ANAPC16: variants seen among roughly 807,000 people sequenced by gnomAD.
ANAPC16 encodes anaphase-promoting complex subunit 16.
Under a neutral mutation model 13.1 loss-of-function variants are expected in ANAPC16, and 6 were observed. The ratio of observed to expected loss-of-function variants is 0.46; its 90% CI spans 0.25 to 0.90. ANAPC16 has a LOEUF of 0.90. Among genes scored for constraint, ANAPC16 ranks in the 40% least tolerant of loss-of-function variants. The probability of loss-of-function intolerance (pLI) is 0.18; values close to 1 mark genes in which losing one functional copy is unlikely to be tolerated. For missense variants in ANAPC16, 113 were observed against 131.1 expected, an observed-to-expected ratio of 0.86 and a Z score of 0.67; for synonymous variants, 55 against 51.3, an observed-to-expected ratio of 1.07 and a Z score of -0.31.
At chr10:72,223,418 C>G (rs548786200) in intron 1 of ANAPC16, 1 of 152,232 alleles carries the variant, frequency 6.6e-6, no homozygotes, top group African/African-American at 2.4e-5. Context: ...ACTAGTTCCC[C>G]TTCCCTGGGA....
chr10:72,216,765 G>T, intron 1 of ANAPC16: 1 of 455,138 alleles, frequency 2.2e-6, no homozygotes, highest in Non-Finnish European at 4.4e-6. Context: ...AGCAATCTGT[G>T]TCCACAAAGC....
intron 2 of ANAPC16, among the ~76,000 whole-genome samples, chr10:72,228,427 G>A (rs1246109815): frequency 6.6e-6 from 1 of 152,136 alleles, no homozygotes; most frequent in Non-Finnish European, 1.5e-5. Flanking sequence ...CCTACTGTGA[G>A]GTAATATTCT....
chr10:72,227,629 T>C (rs993152555), intron 2 of ANAPC16, among the ~76,000 whole-genome samples: 13 of 152,120 alleles, frequency 8.5e-5, no homozygotes, highest in African/African-American at 3.1e-4. Flanking sequence ...CTCTGAAATG[T>C]AAGGATGTTG....
intron 2 of ANAPC16, among the ~76,000 whole-genome samples, chr10:72,228,078 C>T (rs1860182110): frequency 6.6e-6 from 1 of 151,302 alleles, no homozygotes; most frequent in Non-Finnish European, 1.5e-5. Context: ...GGTTGCCTGT[C>T]AAGAGTAAGG....
At chr10:72,224,125 T>C (rs1395266754) in intron 2 of ANAPC16, 69 bp downstream of exon 2, 7 of 1,385,834 alleles carry the variant, frequency 5.1e-6, no homozygotes, top group Non-Finnish European at 6.7e-6. Context: ...AAAGAAGCTA[T>C]TAAGTGGATT....
intron 3 of ANAPC16, among the ~76,000 whole-genome samples, chr10:72,232,470 C>T (rs1860346851): frequency 6.7e-6 from 1 of 149,096 alleles, no homozygotes; most frequent in South Asian, 2.1e-4. Flanking sequence ...CTTGAACCCA[C>T]GAGGCAGAGG....
chr10:72,220,271 G>A (rs747623125), intron 1 of ANAPC16: 1 of 149,048 alleles, frequency 6.7e-6, no homozygotes, highest in Non-Finnish European at 1.5e-5. Flanking sequence ...AGAGGTTGCT[G>A]TGAGCCGAGA....
intron 1 of ANAPC16, chr10:72,216,732 T>C: frequency 2.3e-6 from 1 of 437,380 alleles, no homozygotes; most frequent in Non-Finnish European, 4.6e-6. Context: ...GAAGTAAATG[T>C]TTAAGCATCT....
intron 1 of ANAPC16, among the ~76,000 whole-genome samples, chr10:72,216,645 A>C (rs1859403176): frequency 6.6e-6 from 1 of 152,140 alleles, no homozygotes; most frequent in Admixed American, 6.5e-5. Flanking sequence ...TTTTAAGAAA[A>C]TAGGCATATA....
chr10:72,232,078 C>T (rs1383546271), intron 3 of ANAPC16, among the ~76,000 whole-genome samples: 2 of 147,870 alleles, frequency 1.4e-5, no homozygotes, highest in African/African-American at 5.1e-5. Flanking sequence ...TCCAGCTACT[C>T]GGGAGGCTGA....
intron 1 of ANAPC16, among the ~76,000 whole-genome samples, chr10:72,219,301 G>C (rs1004627068): frequency 6.6e-6 from 1 of 152,212 alleles, no homozygotes; most frequent in African/African-American, 2.4e-5. Flanking sequence ...TCAAAAACTT[G>C]TCAGGCTGTA....
intron 3 of ANAPC16, among the ~76,000 whole-genome samples, chr10:72,232,229 G>T (rs1860336275): frequency 6.9e-6 from 1 of 145,976 alleles, no homozygotes; most frequent in African/African-American, 2.6e-5. Flanking sequence ...CTTCTGACCA[G>T]CATAGAATAA....
At chr10:72,219,549 A>T (rs551606571) in intron 1 of ANAPC16, among the ~76,000 whole-genome samples, 52 of 152,232 alleles carry the variant, frequency 3.4e-4, no homozygotes, top group Non-Finnish European at 5.9e-4. Context: ...CCGCCTGAGC[A>T]ACATAGTGAG....
chr10:72,228,455 CCA>C (rs1389438662), intron 2 of ANAPC16, among the ~76,000 whole-genome samples: 1 of 152,122 alleles, frequency 6.6e-6, no homozygotes, highest in Non-Finnish European at 1.5e-5. Context: ...GTATTTGTTA[CCA>C]TCCTTATTTA....
intron 1 of ANAPC16, chr10:72,216,748 C>G (rs1859419035): frequency 2.2e-6 from 1 of 449,596 alleles, no homozygotes; most frequent in African/African-American, 2.0e-5. Flanking sequence ...CATCTTAGCT[C>G]GGACACAGCA....
chr10:72,217,800 C>T (rs2133635498), intron 1 of ANAPC16, among the ~76,000 whole-genome samples: 1 of 152,082 alleles, frequency 6.6e-6, no homozygotes, highest in South Asian at 2.1e-4. Context: ...GGTTGAGTAT[C>T]CTTAATCCAG....
chr10:72,232,705 G>A lies in ANAPC16; in HGVS notation c.218-296G>A, dbSNP rs189848108. ...TGCAACCTCTGCCTCCAGGGTTCAAGCGATTCTCCTGCCTCAGCCTCCCGA... is the reference window on the plus strand; with the variant it reads ...TGCAACCTCTGCCTCCAGGGTTCAAACGATTCTCCTGCCTCAGCCTCCCGA... On this transcript the variant is annotated intron_variant, in intron 3 of 3. Transcript: ENST00000299381. Among the ~76,000 whole-genome samples, 284 of 151,026 alleles carry A rather than the reference G, an allele frequency of 1.9e-3. 1 individual carries two copies. Among genetic ancestry groups the A allele is most frequent in the African/African-American group, 6.7e-3 (278 of 41,256 alleles).
intron 2 of ANAPC16, among the ~76,000 whole-genome samples, chr10:72,229,137 C>CT (rs1220234197): frequency 6.6e-6 from 1 of 151,286 alleles, no homozygotes; most frequent in Non-Finnish European, 1.5e-5. Flanking sequence ...TTTTTTGAGA[C>CT]TGAGTTTGAA....
At chr10:72,231,599 C>T (rs1402970103) in intron 3 of ANAPC16, among the ~76,000 whole-genome samples, 1 of 152,110 alleles carries the variant, frequency 6.6e-6, no homozygotes, top group Non-Finnish European at 1.5e-5. Flanking sequence ...CACTGTCACC[C>T]GGGCTGGAGT....
Sources: allele counts gnomAD v4.1 joint callset (sites outside exome capture counted in the v4.1 genomes callset), GRCh38; gene constraint gnomAD v4.1.1; transcripts MANE v1.5; gene names NCBI Gene and HGNC (gene_info 2026-07-23, HGNC 2026-07-21).